ACADL: variants seen among roughly 807,000 people sequenced by gnomAD.
The protein encoded by ACADL is long-chain specific acyl-CoA dehydrogenase, mitochondrial.
Under a neutral mutation model 56.9 loss-of-function variants are expected in ACADL, and 60 were observed. The observed-to-expected ratio is 1.05, with a 90% CI of 0.86 to 1.31. ACADL has a LOEUF of 1.31. ACADL is among the 50% of genes most tolerant of loss of function. The probability of loss-of-function intolerance (pLI) is 0.00; values close to 1 mark genes in which losing one functional copy is unlikely to be tolerated. For missense variants in ACADL, 484 were observed against 525.5 expected, an observed-to-expected ratio of 0.92 and a Z score of 0.77; for synonymous variants, 158 against 179.7, an observed-to-expected ratio of 0.88 and a Z score of 0.97.
In ACADL at chr2:210,220,812, A is replaced by G. The variant is rs1196003631; in HGVS notation, c.78-10T>C. Reference sequence around the variant, plus strand: ...TCCGGAATGAGAACATCTTAAAAATATATATATGCAATAGGAAAAGTAAGT... The same window carrying G: ...TCCGGAATGAGAACATCTTAAAAATGTATATATGCAATAGGAAAAGTAAGT... On this transcript the variant is annotated splice_polypyrimidine_tract_variant and intron_variant, in intron 1 of 10. Transcript: ENST00000233710. 6.3e-7 allele frequency: 1 copy of G among 1,577,976 alleles called. No individual in the cohort carries two copies. Among genetic ancestry groups the G allele is most frequent in the South Asian group, 1.1e-5 (1 of 88,398 alleles).
At chr2:210,192,197 TA>T (rs1221759003) in intron 10 of ACADL, among the ~76,000 whole-genome samples, 1 of 150,472 alleles carries the variant, frequency 6.6e-6, no homozygotes, top group Admixed American at 6.7e-5. Context: ...AAAAAAAAAG[TA>T]GTATTTGGCC....
rs1256402462 is a variant in ACADL at position 210,190,919 on chromosome 2, G to GTT, written c.1200-1867_1200-1866dup. ...TGGCTTTTTTGTTGTTGTTGTTGTTGTTTGTTTTTTTTTTTTTGAGACAGT... is the reference window on the plus strand; with the variant it reads ...TGGCTTTTTTGTTGTTGTTGTTGTTGTTTTTGTTTTTTTTTTTTTGAGACAGT... On this transcript the variant is annotated intron_variant, in intron 10 of 10. Coordinates refer to ENST00000233710, the MANE Select transcript of ACADL (RefSeq NM_001608.4). Among the ~76,000 whole-genome samples, 3 of 61,600 alleles carry GTT rather than the reference G, an allele frequency of 4.9e-5. No homozygotes were observed. The South Asian group carries it at 2.4e-3, about 49-fold the overall frequency. The allele number at this position is 61,600 out of a possible 152,430, so 40.4% of individuals were successfully genotyped here.
intron 8 of ACADL, among the ~76,000 whole-genome samples, chr2:210,201,131 C>T (rs1481870198): frequency 6.6e-6 from 1 of 152,166 alleles, no homozygotes; most frequent in Non-Finnish European, 1.5e-5. Context: ...GAAGTTCACA[C>T]TGTTTGCAGA....
intron 2 of ACADL, chr2:210,218,477 G>T: frequency 4.2e-6 from 1 of 237,014 alleles, no homozygotes; most frequent in Non-Finnish European, 8.3e-6. Flanking sequence ...TGTAGAGACG[G>T]GGTCTTATTA....
At chr2:210,198,313 A>T (rs986359038) in intron 8 of ACADL, among the ~76,000 whole-genome samples, 3 of 152,172 alleles carry the variant, frequency 2.0e-5, no homozygotes, top group African/African-American at 7.2e-5. Context: ...ATTATGGTTA[A>T]AATATAAAAT....
At chr2:210,217,721 A>G in intron 3 of ACADL, 2 of 481,232 alleles carry the variant, frequency 4.2e-6, no homozygotes, top group Non-Finnish European at 3.7e-6. Context: ...GACAGGAAAA[A>G]AAAACTATCT....
At chr2:210,208,785 G>T (rs982866907) in intron 5 of ACADL, among the ~76,000 whole-genome samples, 1 of 152,060 alleles carries the variant, frequency 6.6e-6, no homozygotes, top group Admixed American at 6.5e-5. Context: ...AAAACTTTGT[G>T]TTGCTAGTGT....
intron 8 of ACADL, among the ~76,000 whole-genome samples, chr2:210,203,052 C>T (rs1412862736): frequency 6.6e-6 from 1 of 152,134 alleles, no homozygotes; most frequent in African/African-American, 2.4e-5. Flanking sequence ...TTTCTCCTTT[C>T]TGTTTATTCA....
intron 4 of ACADL, among the ~76,000 whole-genome samples, chr2:210,214,118 A>G (rs559776845): frequency 2.8e-3 from 427 of 152,268 alleles, no homozygotes; most frequent in Non-Finnish European, 4.8e-3. Context: ...GCTTTCCTCC[A>G]TGGAAGGGGA....
intron 1 of ACADL, among the ~76,000 whole-genome samples, chr2:210,222,662 A>G (rs1689197905): frequency 1.3e-5 from 2 of 152,202 alleles, no homozygotes; most frequent in Admixed American, 6.5e-5. Flanking sequence ...CAACTAGAGC[A>G]AAGGCTGTAT....
chr2:210,212,919 C>T (rs920794126), intron 4 of ACADL, among the ~76,000 whole-genome samples: 13 of 152,206 alleles, frequency 8.5e-5, no homozygotes, highest in African/African-American at 3.1e-4. Flanking sequence ...TGGCTAACAT[C>T]TGAGAATCTG....
At chr2:210,204,512 CAT>C in intron 7 of ACADL, 67 bp downstream of exon 7, 1 of 1,166,916 alleles carries the variant, frequency 8.6e-7, no homozygotes, top group Non-Finnish European at 1.3e-6. Context: ...ATAGAAATAA[CAT>C]GTTTCTATAT....
intron 9 of ACADL, among the ~76,000 whole-genome samples, chr2:210,193,190 A>G (rs921298275): frequency 6.6e-6 from 1 of 152,210 alleles, no homozygotes; most frequent in Non-Finnish European, 1.5e-5. Flanking sequence ...CTAGAAAAAC[A>G]TGCAGTAAAG....
intron 1 of ACADL, among the ~76,000 whole-genome samples, chr2:210,223,885 G>T (rs1159466173): frequency 6.6e-6 from 1 of 152,050 alleles, no homozygotes; most frequent in Non-Finnish European, 1.5e-5. Context: ...TTTCGATAAC[G>T]ACAGACGGAT....
intron 1 of ACADL, among the ~76,000 whole-genome samples, chr2:210,221,056 T>C (rs1330406915): frequency 6.6e-6 from 1 of 151,996 alleles, no homozygotes; most frequent in East Asian, 1.9e-4. Context: ...TTAAAGAAGA[T>C]GATGCCTAGA....
intron 9 of ACADL, 65 bp downstream of exon 9, chr2:210,195,146 A>G: frequency 6.2e-7 from 1 of 1,604,832 alleles, no homozygotes. Flanking sequence ...GGCTGAGCTT[A>G]AAATTGGCAG....
rs1400963791 is a variant in ACADL at position 210,203,639 on chromosome 2, CTTTATT to C, written c.871-201_871-196del. ...CTCTAATCACTTTCTAAAGCAAATC[CTTTATT>C]TTTATGAATGACTACCTTTATTTTT... On this transcript the variant is annotated intron_variant, in intron 7 of 10. Coordinates refer to ENST00000233710, the MANE Select transcript of ACADL (RefSeq NM_001608.4). Among the ~76,000 whole-genome samples the C allele has an allele frequency of 2.6e-5, 4 of 151,996 alleles. No individual in the cohort carries two copies. In the South Asian group the frequency reaches 8.3e-4, roughly 32 times the overall value.
intron 3 of ACADL, chr2:210,217,347 C>G (rs1689103642): frequency 6.6e-6 from 1 of 152,156 alleles, no homozygotes. Flanking sequence ...TTTAATCCCC[C>G]CAAAATTTAT....
intron 5 of ACADL, among the ~76,000 whole-genome samples, chr2:210,209,289 C>A (rs1688942013): frequency 6.6e-6 from 1 of 152,172 alleles, no homozygotes; most frequent in South Asian, 2.1e-4. Context: ...CTTCACGTAA[C>A]ACTCAGTCAA....
Sources: allele counts gnomAD v4.1 joint callset (sites outside exome capture counted in the v4.1 genomes callset), GRCh38; gene constraint gnomAD v4.1.1; transcripts MANE v1.5; gene names NCBI Gene and HGNC (gene_info 2026-07-23, HGNC 2026-07-21).